The following PCDHA6 variants were observed in gnomAD, a reference collection of about 807,000 sequenced individuals.
PCDHA6 encodes the protein protocadherin alpha-6.
Under a neutral mutation model 60.3 loss-of-function variants are expected in PCDHA6, and 55 were observed. The ratio of observed to expected loss-of-function variants is 0.91; its 90% CI spans 0.73 to 1.14. PCDHA6 has a LOEUF of 1.14. Among genes scored for constraint, PCDHA6 ranks in the 50% most tolerant of loss-of-function variants. The pLI is 0.00. For synonymous variants in PCDHA6, 652 were observed against 557.9 expected, an observed-to-expected ratio of 1.17 and a Z score of -2.38; for missense variants, 1,327 against 1,256.5, an observed-to-expected ratio of 1.06 and a Z score of -0.85.
chr5:140,914,915 T>G (rs1037949691), intron 1 of PCDHA6, among the ~76,000 whole-genome samples: 8 of 151,746 alleles, frequency 5.3e-5, no homozygotes, highest in Non-Finnish European at 1.0e-4. Context: ...TTTCTCTGTG[T>G]CTTATTGTAC....
At chr5:140,993,996 G>C (rs1163632974) in intron 3 of PCDHA6, among the ~76,000 whole-genome samples, 1 of 152,148 alleles carries the variant, frequency 6.6e-6, no homozygotes, top group Non-Finnish European at 1.5e-5. Flanking sequence ...CTTAGGTCAG[G>C]CCAGGCTCTG....
chr5:140,987,120 A>G (rs1224513029), intron 3 of PCDHA6, among the ~76,000 whole-genome samples: 9 of 151,956 alleles, frequency 5.9e-5, no homozygotes, highest in African/African-American at 2.2e-4. Context: ...AGGCTGAGGC[A>G]GGAGAATTGC....
At chr5:140,866,161 G>A (rs782713244) in intron 1 of PCDHA6, 17 of 152,170 alleles carry the variant, frequency 1.1e-4, no homozygotes, top group East Asian at 1.9e-4. Context: ...AGTAAGAATC[G>A]TTTAACATGT....
intron 1 of PCDHA6, among the ~76,000 whole-genome samples, chr5:140,840,661 C>T (rs1401967763): frequency 6.6e-6 from 1 of 151,916 alleles, no homozygotes; most frequent in East Asian, 1.9e-4. Flanking sequence ...AGAATATGCA[C>T]ATACATTTTT....
chr5:140,925,806 C>A (rs2082736423), intron 1 of PCDHA6, among the ~76,000 whole-genome samples: 1 of 152,148 alleles, frequency 6.6e-6, no homozygotes, highest in South Asian at 2.1e-4. Flanking sequence ...TTCCCCTCCA[C>A]TTCTCACGTC....
chr5:140,939,613 A>T (rs2092423002), intron 1 of PCDHA6, among the ~76,000 whole-genome samples: 1 of 152,232 alleles, frequency 6.6e-6, no homozygotes, highest in African/African-American at 2.4e-5. Context: ...CAGAACAAGG[A>T]GACAAAAGAA....
At chr5:140,842,323 C>T (rs2150334082) in intron 1 of PCDHA6, 26 of 1,607,134 alleles carry the variant, frequency 1.6e-5, no homozygotes, top group Non-Finnish European at 2.2e-5. Flanking sequence ...CGGGTCATTG[C>T]ACCGTTTTAG....
chr5:140,836,475 G>T, intron 1 of PCDHA6: 1 of 1,613,846 alleles, frequency 6.2e-7, no homozygotes, highest in Non-Finnish European at 8.5e-7. Flanking sequence ...GGATGTCAAC[G>T]TGTACCTGAT....
chr5:140,905,215 AAGGTG>A (rs2071683869), intron 1 of PCDHA6, among the ~76,000 whole-genome samples: 1 of 152,186 alleles, frequency 6.6e-6, no homozygotes, highest in Non-Finnish European at 1.5e-5. Flanking sequence ...ATTTTTGTGT[AAGGTG>A]AGAGATGAGG....
chr5:140,829,623 A>T lies in PCDHA6; in HGVS notation c.1532A>T (p.His511Leu). The change falls in exon 1 of 4, where the codon CAC becomes CTC. Residue 511 changes from histidine (H) to leucine (L), a missense_variant. Coordinates refer to ENST00000529310, the MANE Select transcript of PCDHA6 (RefSeq NM_018909.4). ...GCGTTGTCGAGCTACATTTCGGTGC[A>T]CGCGGAGAGCGGCAAGGTGTACGCG... The part of the protein sequence containing the change: ...ERALSSYISV[H>L]AESGKVYALQ... 6.2e-7 allele frequency: 1 copy of T among 1,612,184 alleles called. No individual in the cohort carries two copies. Among genetic ancestry groups the T allele is most frequent in the Non-Finnish European group, 8.5e-7 (1 of 1,179,788 alleles).
chr5:140,954,487 A>T (rs1585567544), intron 1 of PCDHA6, among the ~76,000 whole-genome samples: 1 of 152,120 alleles, frequency 6.6e-6, no homozygotes, highest in African/African-American at 2.4e-5. Flanking sequence ...AAGATATTTC[A>T]TTGTGGTTTT....
intron 1 of PCDHA6, among the ~76,000 whole-genome samples, chr5:140,887,521 T>C (rs561642770): frequency 1.3e-5 from 2 of 152,346 alleles, no homozygotes; most frequent in Admixed American, 1.3e-4. Flanking sequence ...TTTTTATATA[T>C]GAGTCTTCCT....
In PCDHA6 at chr5:140,876,419, A is replaced by G. The variant is rs2056334313; in HGVS notation, c.2394+45934A>G. On this transcript the variant is annotated intron_variant, in intron 1 of 3. Coordinates refer to ENST00000529310, the MANE Select transcript of PCDHA6 (RefSeq NM_018909.4). Reference sequence around the variant, plus strand: ...CTGGATTTTGAAGAGAATAATGCCTATGAAATTCAGGTTAACGCCATTGAT... The same window carrying G: ...CTGGATTTTGAAGAGAATAATGCCTGTGAAATTCAGGTTAACGCCATTGAT... 2.5e-6 allele frequency: 4 copies of G among 1,613,984 alleles called. No homozygotes were observed. In the East Asian group the frequency reaches 6.7e-5, roughly 27 times the overall value.
rs367685277 is a variant in PCDHA6 at position 140,871,336 on chromosome 5, G to A, written c.2394+40851G>A. 5.0e-6 allele frequency: 8 copies of A among 1,614,062 alleles called. No homozygotes were observed. The African/African-American group carries it at 9.3e-5, about 19-fold the overall frequency. On this transcript the variant is annotated intron_variant, in intron 1 of 3. Transcript: ENST00000529310. ...CACGCTGGTGTGCTCCCGCGCGGTG[G>A]GGAGCTGGTCATACTCGCAGCAGAG...
chr5:140,966,539 T>TCGGAGGCGAG (rs2096018089), intron 1 of PCDHA6: 1 of 462,064 alleles, frequency 2.2e-6, no homozygotes, highest in Non-Finnish European at 3.7e-6. Flanking sequence ...GTTGAGCGAC[T>TCGGAGGCGAG]CGGAGGCGAG....
chr5:140,838,074 TATAGTGTGTGTGTGTGTGTG>T (rs1775436648), intron 1 of PCDHA6, among the ~76,000 whole-genome samples: 2 of 120,528 alleles, frequency 1.7e-5, no homozygotes. Context: ...GTTATATATA[TATAGTGTGTGTGTGTGTGTG>T]TGTGTGTGTG....
intron 1 of PCDHA6, among the ~76,000 whole-genome samples, chr5:140,953,965 G>A (rs1554221174): frequency 6.6e-6 from 1 of 152,024 alleles, no homozygotes; most frequent in Non-Finnish European, 1.5e-5. Flanking sequence ...GCCCCAGTGT[G>A]TGTTGTTCCC....
intron 1 of PCDHA6, among the ~76,000 whole-genome samples, chr5:140,906,707 CT>C (rs1554192656): frequency 6.6e-6 from 1 of 152,198 alleles, no homozygotes; most frequent in Non-Finnish European, 1.5e-5. Flanking sequence ...ATTTGTAGTC[CT>C]GCCTGGATTG....
At chr5:140,838,717 C>T (rs1775851358) in intron 1 of PCDHA6, among the ~76,000 whole-genome samples, 1 of 151,954 alleles carries the variant, frequency 6.6e-6, no homozygotes, top group Admixed American at 6.6e-5. Context: ...AGGAGGATTG[C>T]TTCAGTCTAG....
Sources: allele counts gnomAD v4.1 joint callset (sites outside exome capture counted in the v4.1 genomes callset), GRCh38; gene constraint gnomAD v4.1.1; transcripts MANE v1.5; gene names NCBI Gene and HGNC (gene_info 2026-07-23, HGNC 2026-07-21).